RABGAP1L: variants seen among roughly 807,000 people sequenced by gnomAD.
RABGAP1L encodes the protein RAB GTPase activating protein 1 like, also known as rab GTPase-activating protein 1-like.
RABGAP1L carries 63 observed loss-of-function variants against 137.7 expected under a neutral mutation model. The observed-to-expected ratio is 0.46, with a 90% CI of 0.37 to 0.56. RABGAP1L has a LOEUF of 0.56. Ranked by LOEUF, RABGAP1L falls within the 20% of genes least tolerant of loss-of-function variation. RABGAP1L has a pLI of 0.00. For synonymous variants in RABGAP1L, 431 were observed against 433.7 expected (o/e 0.99, Z 0.08); for missense variants, 1,095 against 1,244.0 (o/e 0.88, Z 1.80).
chr1:174,470,039 A>T (rs1016385569), intron 13 of RABGAP1L, among the ~76,000 whole-genome samples: 1 of 152,260 alleles, frequency 6.6e-6, no homozygotes, highest in African/African-American at 2.4e-5. Flanking sequence ...TTCCTTGTAT[A>T]TGAGATCTTG....
At position 174,858,649 on chromosome 1, in the gene RABGAP1L, C is replaced by T. The variant is rs139678063; in HGVS notation, c.2340+46689C>T. On this transcript the variant is annotated intron_variant, in intron 19 of 25. Transcript: ENST00000681986. ...GAGGTTGTGAAAATAAAATGAAGGT[C>T]ATTATAATGTCATAGTTCAGCCATG... Among the ~76,000 whole-genome samples, 625 of 152,238 alleles carry T rather than the reference C, an allele frequency of 4.1e-3. 3 individuals carry two copies. Among genetic ancestry groups the T allele is most frequent in the Middle Eastern group, 0.014 (4 of 294 alleles).
rs533725297 is a variant in RABGAP1L at position 174,180,428 on chromosome 1, A to T, written c.-34+20771A>T. 2.6e-5 allele frequency among the ~76,000 whole-genome samples: 4 copies of T among 152,352 alleles called. No homozygotes were observed. The East Asian group carries it at 7.7e-4, about 29-fold the overall frequency. ...TTGGAAACTTGCTATTTCCTCCATT[A>T]GCTAAAATTTGAAAGCCATAATTGA... On this transcript the variant is annotated intron_variant, in intron 1 of 25. Transcript: ENST00000681986.
intron 4 of RABGAP1L, among the ~76,000 whole-genome samples, chr1:174,239,123 G>C (rs561920215): frequency 1.3e-5 from 2 of 152,120 alleles, no homozygotes; most frequent in Non-Finnish European, 1.5e-5. Flanking sequence ...GCCCTGCTTC[G>C]GCTCGCGCAC....
At chr1:174,634,452 C>T (rs1557931289) in intron 13 of RABGAP1L, among the ~76,000 whole-genome samples, 1 of 130,470 alleles carries the variant, frequency 7.7e-6, no homozygotes. Flanking sequence ...TAAACTAGTT[C>T]AACCATTGTG....
At chr1:174,504,233 A>G (rs2147776291) in intron 13 of RABGAP1L, among the ~76,000 whole-genome samples, 1 of 152,096 alleles carries the variant, frequency 6.6e-6, no homozygotes, top group East Asian at 1.9e-4. Context: ...TTGGCCTCCC[A>G]AAGTGCTAGG....
intron 11 of RABGAP1L, among the ~76,000 whole-genome samples, chr1:174,320,888 G>A (rs1049473602): frequency 5.9e-5 from 9 of 152,100 alleles, no homozygotes; most frequent in Admixed American, 3.3e-4. Flanking sequence ...CAAGAACAGG[G>A]TAACAGTGAT....
At chr1:174,813,925 G>A (rs1690126323) in intron 19 of RABGAP1L, among the ~76,000 whole-genome samples, 1 of 152,168 alleles carries the variant, frequency 6.6e-6, no homozygotes, top group South Asian at 2.1e-4. Context: ...GAATAAAAGA[G>A]TAGAGAAATA....
At chr1:174,337,883 T>C (rs1035611108) in intron 11 of RABGAP1L, among the ~76,000 whole-genome samples, 2 of 152,178 alleles carry the variant, frequency 1.3e-5, no homozygotes, top group Non-Finnish European at 2.9e-5. Flanking sequence ...GATTCTGAGA[T>C]GACAAAAAGT....
chr1:174,814,266 C>T (rs992029842), intron 19 of RABGAP1L, among the ~76,000 whole-genome samples: 7 of 151,934 alleles, frequency 4.6e-5, no homozygotes, highest in African/African-American at 1.7e-4. Flanking sequence ...ATTTTTAAAG[C>T]TTTTAATAAG....
At chr1:174,468,729 C>T (rs190316546) in intron 13 of RABGAP1L, among the ~76,000 whole-genome samples, 2 of 152,122 alleles carry the variant, frequency 1.3e-5, no homozygotes, top group Admixed American at 6.5e-5. Context: ...CTCTCTCTCT[C>T]TCTGTAAAAT....
intron 7 of RABGAP1L, among the ~76,000 whole-genome samples, chr1:174,259,826 A>G (rs1673428306): frequency 6.7e-6 from 1 of 149,892 alleles, no homozygotes; most frequent in Admixed American, 6.7e-5. Context: ...AGGTACTGTT[A>G]TTATTACTGC....
At chr1:174,178,128 C>T (rs1666044300) in intron 1 of RABGAP1L, among the ~76,000 whole-genome samples, 3 of 152,086 alleles carry the variant, frequency 2.0e-5, no homozygotes, top group Admixed American at 1.3e-4. Flanking sequence ...ACTGTTTTTC[C>T]ATTTGTTTGT....
intron 13 of RABGAP1L, among the ~76,000 whole-genome samples, chr1:174,537,113 A>G (rs778049066): frequency 3.3e-5 from 5 of 152,182 alleles, no homozygotes; most frequent in Admixed American, 6.5e-5. Flanking sequence ...AACTATAAAG[A>G]TAATTTCATA....
At chr1:174,550,461 T>C (rs1366950326) in intron 13 of RABGAP1L, among the ~76,000 whole-genome samples, 2 of 152,150 alleles carry the variant, frequency 1.3e-5, no homozygotes. Context: ...TTCTGCAAAT[T>C]AGCAAATCAA....
chr1:174,416,225 G>A (rs1270992138), intron 13 of RABGAP1L, among the ~76,000 whole-genome samples: 1 of 151,834 alleles, frequency 6.6e-6, no homozygotes, highest in Admixed American at 6.6e-5. Flanking sequence ...CCCAGTGGCA[G>A]ACTGTAGTCT....
At chr1:174,615,146 G>T (rs1406151973) in intron 13 of RABGAP1L, among the ~76,000 whole-genome samples, 1 of 152,226 alleles carries the variant, frequency 6.6e-6, no homozygotes, top group African/African-American at 2.4e-5. Context: ...TGGAGGAGAA[G>T]AGGTGCTCTG....
chr1:174,882,958 G>A (rs190921056), intron 19 of RABGAP1L, among the ~76,000 whole-genome samples: 28 of 152,200 alleles, frequency 1.8e-4, no homozygotes, highest in Admixed American at 9.2e-4. Context: ...GAGTAACTGG[G>A]ACTACAGGCA....
chr1:174,940,752 A>C (rs562466807), intron 19 of RABGAP1L, among the ~76,000 whole-genome samples: 10 of 152,348 alleles, frequency 6.6e-5, no homozygotes, highest in African/African-American at 2.4e-4. Context: ...ATTCTGCCTC[A>C]TAAGCCTGGC....
At chr1:174,266,989 A>T (rs1306204400) in intron 7 of RABGAP1L, among the ~76,000 whole-genome samples, 4 of 152,294 alleles carry the variant, frequency 2.6e-5, no homozygotes, top group South Asian at 4.1e-4. Flanking sequence ...TGATAAATTT[A>T]AAAAAATGAT....
Sources: gnomAD v4.1 joint callset for allele counts (sites outside exome capture counted in the v4.1 genomes callset) on GRCh38, gnomAD v4.1.1 for gene constraint, MANE v1.5 for transcripts, NCBI Gene and HGNC (gene_info 2026-07-23, HGNC 2026-07-21) for gene names.